Variants in KCTD19 observed in about 807,000 individuals in gnomAD.
The protein encoded by KCTD19 is potassium channel tetramerization domain containing 19.
Under a neutral mutation model 103.5 loss-of-function variants are expected in KCTD19, and 67 were observed. The observed-to-expected ratio is 0.65, with a 90% CI of 0.53 to 0.79. The LOEUF (loss-of-function observed/expected upper bound fraction) is 0.79, where lower values mean the gene tolerates loss of function less well. Among genes scored for constraint, KCTD19 ranks in the 30% least tolerant of loss-of-function variants. The pLI, the probability that KCTD19 is intolerant of heterozygous loss-of-function variation, is 0.00. For missense variants in KCTD19, 980 were observed against 1,136.1 expected (o/e 0.86, Z 1.98); for synonymous variants, 439 against 452.2 (o/e 0.97, Z 0.37).
chr16:67,293,962 G>A lies in KCTD19; in HGVS notation c.1800C>T (p.His600=), dbSNP rs749215254. Residue 600 remains histidine (H), a synonymous_variant, in exon 12 of 16, where the codon CAC becomes CAT. Transcript: ENST00000304372. The surrounding 1 kb of genome is among the most constrained non-coding windows in gnomAD (Gnocchi z 4.0). ...GGGGGCTCTCAGGGTGGCTCCCCCA[G>A]TGTCCAGGATTGGTACACAAGCCAC... The part of the protein sequence containing the change: ...HCRGLCTNPG[H]WGSHPESPPK... 12 of 1,614,062 alleles carry A rather than the reference G, an allele frequency of 7.4e-6. No individual in the cohort carries two copies. The highest frequency in any genetic ancestry group is 1.0e-5 in the Non-Finnish European group (12 of 1,180,052).
chr16:67,301,652 G>T lies in KCTD19; in HGVS notation c.775+139C>A, dbSNP rs886131714. The T allele has an allele frequency of 2.0e-5, 16 of 792,164 alleles. No homozygotes were observed. The African/African-American group carries it at 2.8e-4, about 14-fold the overall frequency. The allele number at this position is 792,164 out of a possible 1,614,324, so 49.1% of individuals were successfully genotyped here. On this transcript the variant is annotated intron_variant, in intron 5 of 15. Coordinates refer to ENST00000304372, the MANE Select transcript of KCTD19 (RefSeq NM_001100915.3). ...TTTCAGGCTGTGAATCCTCTTCTTG[G>T]ATTCAGAGTCAGCCAGAAAACCCAA...
At chr16:67,294,194 ACT>A (rs2036737096) in intron 11 of KCTD19, 23 bp from the exon 12 acceptor site, 1 of 1,587,072 alleles carries the variant, frequency 6.3e-7, no homozygotes, top group Non-Finnish European at 8.6e-7. Flanking sequence ...GGGCACAGTA[ACT>A]CTGGATAGGT....
rs745730380 is a variant in KCTD19 at position 67,293,948 on chromosome 16, G to A, written c.1814C>T (p.Pro605Leu). The A allele has an allele frequency of 4.3e-6, 7 of 1,614,158 alleles. No homozygotes were observed. The highest frequency in any genetic ancestry group is 5.9e-6 in the Non-Finnish European group (7 of 1,180,038). ...CTNPGHWGSHPESPPKKKCTT... is the reference protein window; with the variant it reads ...CTNPGHWGSHLESPPKKKCTT... The stretch of plus-strand genomic sequence containing the variant: ...GCATTTCTTCTTTGGGGGGCTCTCA[G>A]GGTGGCTCCCCCAGTGTCCAGGATT... Residue 605 changes from proline to leucine, a missense_variant, in exon 12 of 16, where the codon CCT becomes CTT. Physicochemically the swap from Pro to Leu is moderately conservative, Grantham distance 98 (BLOSUM62 -3). Transcript: ENST00000304372. This position sits in a 1 kb window ranked among gnomAD's most constrained non-coding sequence, Gnocchi z 4.0.
chr16:67,303,108 C>CTGGGGGGGGGGGGGGGCGG lies in KCTD19; in HGVS notation c.643+37_643+38insCCGCCCCCCCCCCCCCCCA. 1.3e-6 allele frequency: 1 copy of CTGGGGGGGGGGGGGGGCGG among 798,078 alleles called. No individual in the cohort carries two copies. Among genetic ancestry groups the CTGGGGGGGGGGGGGGGCGG allele is most frequent in the East Asian group, 2.8e-5 (1 of 36,056 alleles). The allele number at this position is 798,078 out of a possible 1,614,324, so 49.4% of individuals were successfully genotyped here. On this transcript the variant is annotated intron_variant, in intron 4 of 15. Transcript: ENST00000304372. The surrounding 1 kb of genome is among the most constrained non-coding windows in gnomAD (Gnocchi z 4.3). ...ATGGGGAGGGGTGAATGGGCCCTATCAGCCCGCCCCCCACCCCACCCCGGA... is the reference window on the plus strand; with the variant it reads ...ATGGGGAGGGGTGAATGGGCCCTATCTGGGGGGGGGGGGGGGCGGAGCCCGCCCCCCACCCCACCCCGGA...
chr16:67,305,732 C>A, intron 2 of KCTD19: 1 of 360,670 alleles, frequency 2.8e-6, no homozygotes, highest in Non-Finnish European at 5.6e-6. Context: ...GCAAGTGGTA[C>A]TTTAAAGGCA....
chr16:67,293,532 G>A lies in KCTD19; in HGVS notation c.2218+12C>T. ...GTGAATAAGACTTAGATCAAAGGGG[G>A]ACAGGACTCACCTCTCTCCTTGGTC... On this transcript the variant is annotated intron_variant, in intron 12 of 15. Coordinates refer to ENST00000304372, the MANE Select transcript of KCTD19 (RefSeq NM_001100915.3). This position sits in a 1 kb window ranked among gnomAD's most constrained non-coding sequence, Gnocchi z 4.0. 1 of 1,611,062 alleles carries A rather than the reference G, an allele frequency of 6.2e-7. No individual in the cohort carries two copies. The highest frequency in any genetic ancestry group is 8.5e-7 in the Non-Finnish European group (1 of 1,178,190).
intron 2 of KCTD19, among the ~76,000 whole-genome samples, chr16:67,318,250 G>A (rs2037033143): frequency 6.6e-6 from 1 of 152,154 alleles, no homozygotes; most frequent in Non-Finnish European, 1.5e-5. Context: ...TGGCTTCTGA[G>A]GAGCAGCCCC....
Position 67,290,992 on chromosome 16 carries a change from A to G in KCTD19, c.2566-6T>C. ...TTGGGGCTGATGTGCAGGGTCTGCC[A>G]GGAGAGCCCACAGTCAGGCAGTGCT... On this transcript the variant is annotated splice_region_variant and splice_polypyrimidine_tract_variant and intron_variant, in intron 14 of 15. Coordinates refer to ENST00000304372, the MANE Select transcript of KCTD19 (RefSeq NM_001100915.3). 1 of 1,613,788 alleles carries G rather than the reference A, an allele frequency of 6.2e-7. No individual in the cohort carries two copies. Among genetic ancestry groups the G allele is most frequent in the Non-Finnish European group, 8.5e-7 (1 of 1,179,804 alleles).
intron 2 of KCTD19, among the ~76,000 whole-genome samples, chr16:67,315,663 G>A (rs1039286215): frequency 6.6e-6 from 1 of 152,148 alleles, no homozygotes; most frequent in African/African-American, 2.4e-5. Context: ...TATATTTTTA[G>A]TTGAGATGGG....
At chr16:67,311,533 C>T (rs2036949000) in intron 2 of KCTD19, among the ~76,000 whole-genome samples, 1 of 152,062 alleles carries the variant, frequency 6.6e-6, no homozygotes, top group Admixed American at 6.6e-5. Context: ...AATCTCCTGA[C>T]CTCAAGTGAT....
At chr16:67,295,483 C>T in intron 8 of KCTD19, 78 bp from the exon 9 acceptor site, 1 of 1,348,678 alleles carries the variant, frequency 7.4e-7, no homozygotes, top group Non-Finnish European at 1.0e-6. Flanking sequence ...CTCTCACTCC[C>T]CTTTTCCAAC....
At position 67,308,317 on chromosome 16, in the gene KCTD19, G is replaced by A. The variant is rs149956178; in HGVS notation, c.301-3746C>T. On this transcript the variant is annotated intron_variant, in intron 2 of 15. Transcript: ENST00000304372. ...AGTAGCTGGACCACAGCTGTGCGCC[G>A]CAACACCCCATTAACTTTTTGATTT... 6.4e-3 allele frequency among the ~76,000 whole-genome samples: 976 copies of A among 151,638 alleles called. 8 individuals are homozygous for A. The highest frequency in any genetic ancestry group is 0.022 in the African/African-American group (911 of 41,308).
intron 14 of KCTD19, 39 bp from the exon 15 acceptor site, chr16:67,291,025 C>T (rs2036684492): frequency 3.2e-6 from 5 of 1,586,496 alleles, no homozygotes; most frequent in Non-Finnish European, 4.3e-6. Flanking sequence ...GCTAGGGCAG[C>T]TCCTAGCCCC....
chr16:67,299,505 A>C lies in KCTD19; in HGVS notation c.844T>G (p.Ser282Ala). Reference protein sequence around the residue: ...GKGARTASLESVKPLYTMALG... With the variant: ...GKGARTASLEAVKPLYTMALG... ...GCCATTGTGTAGAGCGGTTTCACGG[A>C]CTCCAGGCTGGCTGTGCGGGCCCCC... The change falls in exon 6 of 16, where the codon TCC becomes GCC. Residue 282 changes from serine (S) to alanine (A), a missense_variant. By Grantham distance (99) the Ser-to-Ala change is moderately conservative. Coordinates refer to ENST00000304372, the MANE Select transcript of KCTD19 (RefSeq NM_001100915.3). The C allele has an allele frequency of 6.2e-7, 1 of 1,613,388 alleles. No homozygotes were observed. Among genetic ancestry groups the C allele is most frequent in the Non-Finnish European group, 8.5e-7 (1 of 1,179,806 alleles).
At chr16:67,290,148 T>C (rs909211367) in intron 15 of KCTD19, among the ~76,000 whole-genome samples, 2 of 151,378 alleles carry the variant, frequency 1.3e-5, no homozygotes, top group African/African-American at 4.8e-5. Flanking sequence ...ATCATTCCTT[T>C]GCCCTTACTG....
intron 1 of KCTD19, chr16:67,326,128 G>GT (rs1191969504): frequency 2.0e-5 from 3 of 152,404 alleles, no homozygotes; most frequent in Non-Finnish European, 4.4e-5. Flanking sequence ...GTTTCACCAT[G>GT]TTGGCCAGGC....
Position 67,303,287 on chromosome 16 carries a change from T to C in KCTD19, c.502A>G (p.Thr168Ala). 2 of 1,614,058 alleles carry C rather than the reference T, an allele frequency of 1.2e-6. No individual in the cohort carries two copies. The highest frequency in any genetic ancestry group is 1.7e-6 in the Non-Finnish European group (2 of 1,179,966). Residue 168 changes from threonine (T) to alanine (A), a missense_variant, in exon 4 of 16, where the codon ACA becomes GCA. Thr to Ala is a moderately conservative substitution (Grantham distance 58, BLOSUM62 0). Transcript: ENST00000304372. The surrounding 1 kb of genome is among the most constrained non-coding windows in gnomAD (Gnocchi z 4.3). Reference protein sequence around the residue: ...LGLMDTPLLDTEEEVHYCFLP... With the variant: ...LGLMDTPLLDAEEEVHYCFLP... ...AAGCAGTAGTGCACCTCCTCTTCTG[T>C]GTCTAACAGGGGTGTGTCCATGAGC...
At chr16:67,308,961 C>T (rs1325366680) in intron 2 of KCTD19, among the ~76,000 whole-genome samples, 1 of 151,852 alleles carries the variant, frequency 6.6e-6, no homozygotes, top group Non-Finnish European at 1.5e-5. Flanking sequence ...GGCAAAACCC[C>T]AACTCTACTA....
chr16:67,294,565 G>C lies in KCTD19; in HGVS notation c.1590+15C>G. On this transcript the variant is annotated intron_variant, in intron 11 of 15. Transcript: ENST00000304372. ...TTTTTGAGGATAACACCAACCAGAG[G>C]AGGCTGGTGCTTACTTCTTTAGTGT... is the stretch of plus-strand genomic sequence containing the variant. The C allele has an allele frequency of 1.9e-6, 3 of 1,545,112 alleles. No individual in the cohort carries two copies. In the South Asian group the frequency reaches 3.3e-5, roughly 17 times the overall value.
Sources: allele counts gnomAD v4.1 joint callset (sites outside exome capture counted in the v4.1 genomes callset), GRCh38; gene constraint gnomAD v4.1.1; non-coding constraint Gnocchi (gnomAD v3.1); transcripts MANE v1.5; gene names NCBI Gene and HGNC (gene_info 2026-07-23, HGNC 2026-07-21).